The following RBM25 variants were observed in gnomAD, a reference collection of about 807,000 sequenced individuals.
RBM25 encodes the protein RNA-binding protein 25.
A neutral mutation model predicts 120.7 loss-of-function variants in RBM25; 19 were observed. The observed-to-expected ratio is 0.16, with a 90% CI of 0.11 to 0.23. The LOEUF (loss-of-function observed/expected upper bound fraction) is 0.23. RBM25 is among the 10% of genes least tolerant of loss of function. The pLI is 1.00. For missense variants in RBM25, 605 were observed against 1,041.5 expected, an observed-to-expected ratio of 0.58 and a Z score of 5.77; for synonymous variants, 390 against 326.7, an observed-to-expected ratio of 1.19 and a Z score of -2.09.
intron 1 of RBM25, among the ~76,000 whole-genome samples, chr14:73,060,049 GT>G (rs1462344124): frequency 6.6e-6 from 1 of 151,438 alleles, no homozygotes; most frequent in Non-Finnish European, 1.5e-5. Flanking sequence ...TTGTGTTGTT[GT>G]TTTTTTTAAG....
chr14:73,113,037 G>C lies in RBM25; in HGVS notation c.2391+787G>C, dbSNP rs553797771. Among the ~76,000 whole-genome samples the C allele has an allele frequency of 4.1e-4, 63 of 152,016 alleles. No individual in the cohort carries two copies. In the South Asian group the frequency reaches 0.013, roughly 31 times the overall value. Reference sequence around the variant, plus strand: ...TAGGATACATATGCATAACGTGCAGGTTTGTTACATAGGAGTACATGTGCC... The same window carrying C: ...TAGGATACATATGCATAACGTGCAGCTTTGTTACATAGGAGTACATGTGCC... On this transcript the variant is annotated intron_variant, in intron 17 of 18. Coordinates refer to ENST00000261973, the MANE Select transcript of RBM25 (RefSeq NM_021239.3).
At position 73,103,482 on chromosome 14, in the gene RBM25, A is replaced by G. The variant is rs200035760; in HGVS notation, c.1154+4A>G. On this transcript the variant is annotated splice_donor_region_variant and intron_variant, in intron 10 of 18. Coordinates refer to ENST00000261973, the MANE Select transcript of RBM25 (RefSeq NM_021239.3). ...ATAAGGATCGCAGTCGATCAAGGTA[A>G]GGCTTTACAGAAGTTACTGTTTCCT... 1.7e-4 allele frequency: 260 copies of G among 1,568,082 alleles called. No individual in the cohort carries two copies. The highest frequency in any genetic ancestry group is 2.0e-4 in the Non-Finnish European group (235 of 1,159,570).
At chr14:73,117,359 G>A (rs577827902) in intron 18 of RBM25, among the ~76,000 whole-genome samples, 6 of 151,394 alleles carry the variant, frequency 4.0e-5, no homozygotes, top group Middle Eastern at 3.4e-3. Flanking sequence ...AGCCTCCCAA[G>A]TAGTTGGGAT....
At chr14:73,073,710 C>A (rs1218100962) in intron 2 of RBM25, among the ~76,000 whole-genome samples, 1 of 152,042 alleles carries the variant, frequency 6.6e-6, no homozygotes, top group African/African-American at 2.4e-5. Context: ...AAAATCAGAA[C>A]AACTGTTTAT....
chr14:73,109,923 C>T (rs1325431236), intron 14 of RBM25, among the ~76,000 whole-genome samples: 5 of 151,578 alleles, frequency 3.3e-5, no homozygotes, highest in Admixed American at 1.3e-4. Flanking sequence ...CTCGCTGTGT[C>T]GCCCAGGCTG....
At chr14:73,114,358 A>G in intron 18 of RBM25, 25 bp downstream of exon 18, 2 of 1,514,670 alleles carry the variant, frequency 1.3e-6, no homozygotes, top group Admixed American at 2.1e-5. Context: ...CACTATTTTT[A>G]TTTCTTTTAA....
intron 4 of RBM25, among the ~76,000 whole-genome samples, chr14:73,082,798 G>A (rs893915908): frequency 2.6e-5 from 4 of 151,738 alleles, no homozygotes; most frequent in South Asian, 2.1e-4. Context: ...GCAGTGGCTC[G>A]TGCCTGTAAT....
chr14:73,087,770 G>A (rs1895722823), intron 5 of RBM25, among the ~76,000 whole-genome samples: 2 of 152,164 alleles, frequency 1.3e-5, no homozygotes, highest in African/African-American at 4.8e-5. Flanking sequence ...GTAGCAGTTT[G>A]TCTGATTTGA....
At position 73,096,954 on chromosome 14, in the gene RBM25, G is replaced by A. The variant is rs372596323; in HGVS notation, c.583G>A (p.Ala195Thr). ...PETVTNDDEE[A>T]LDEETKRRDQ... is the part of the protein sequence containing the mutation. ...AACTGTCACTAATGACGATGAAGAA[G>A]CCTTGGATGAAGAAACAAAGAGGAG... Residue 195 changes from alanine to threonine, a missense_variant, in exon 7 of 19, where the codon GCC (alanine) becomes ACC (threonine). Ala to Thr is a moderately conservative substitution (Grantham distance 58, BLOSUM62 0). Transcript: ENST00000261973. 20 of 1,613,194 alleles carry A rather than the reference G, an allele frequency of 1.2e-5. No individual in the cohort carries two copies. The African/African-American group carries it at 1.3e-4, about 11-fold the overall frequency.
At chr14:73,111,424 A>G in intron 15 of RBM25, 104 bp from the exon 16 acceptor site, 2 of 1,269,910 alleles carry the variant, frequency 1.6e-6, no homozygotes, top group East Asian at 2.3e-5. Context: ...TCTTTCTCTA[A>G]GATTTGTGGA....
intron 1 of RBM25, chr14:73,068,376 G>C (rs1303687004): frequency 1.5e-6 from 1 of 645,638 alleles, no homozygotes; most frequent in Non-Finnish European, 2.8e-6. Flanking sequence ...GAGAGACAAT[G>C]CTTGTATTTG....
At chr14:73,062,979 CCTGG>C (rs1177203681) in intron 1 of RBM25, among the ~76,000 whole-genome samples, 1 of 150,904 alleles carries the variant, frequency 6.6e-6, no homozygotes, top group Non-Finnish European at 1.5e-5. Flanking sequence ...TGCTACCACA[CCTGG>C]CTAATTTTTT....
At chr14:73,085,224 G>A (rs1895656528) in intron 5 of RBM25, among the ~76,000 whole-genome samples, 1 of 149,386 alleles carries the variant, frequency 6.7e-6, no homozygotes, top group South Asian at 2.1e-4. Context: ...TCACCGTGTT[G>A]GCCAGGAGGG....
rs1896547378 is a variant in RBM25 at position 73,121,929 on chromosome 14, T to A, written c.*2124T>A. 6.6e-6 allele frequency: 1 copy of A among 152,242 alleles called. No individual in the cohort carries two copies. The highest frequency in any genetic ancestry group is 2.4e-5 in the African/African-American group (1 of 41,466). 9.4% of individuals were successfully genotyped at this position (152,242 alleles called of 1,614,324 possible). On this transcript the variant is annotated 3_prime_UTR_variant, in exon 19 of 19. Coordinates refer to ENST00000261973, the MANE Select transcript of RBM25 (RefSeq NM_021239.3). Reference sequence around the variant, plus strand: ...TTGTGCAAGTTCATATATTAAAGTTTCTGCAGCAGAGTGAAAATTGTTACA... The same window carrying A: ...TTGTGCAAGTTCATATATTAAAGTTACTGCAGCAGAGTGAAAATTGTTACA...
Position 73,123,476 on chromosome 14 carries a change from G to C in RBM25, c.*3671G>C, listed in dbSNP as rs565010375. 2.6e-5 allele frequency: 4 copies of C among 152,262 alleles called. No individual in the cohort carries two copies. 9.4% of individuals were successfully genotyped at this position (152,262 alleles called of 1,614,324 possible). A position where few individuals can be genotyped will look rare whatever the true frequency, so the allele number is the denominator to read the frequency against. On this transcript the variant is annotated 3_prime_UTR_variant, in exon 19 of 19. Transcript: ENST00000261973. ...CTGTTAAGTATGAAATTGAGAAATA[G>C]TTTTGCTCAACAAAAGATGATGAGG...
At chr14:73,094,504 G>A (rs1261787643) in intron 6 of RBM25, among the ~76,000 whole-genome samples, 2 of 151,776 alleles carry the variant, frequency 1.3e-5, no homozygotes, top group Non-Finnish European at 2.9e-5. Context: ...CTGGAGTGCA[G>A]TGGCGTGATA....
intron 18 of RBM25, among the ~76,000 whole-genome samples, chr14:73,115,313 T>C (rs1896403933): frequency 6.6e-6 from 1 of 152,106 alleles, no homozygotes; most frequent in Non-Finnish European, 1.5e-5. Flanking sequence ...TTCCTGATCC[T>C]CTCCCTCCTC....
rs532831462 is a variant in RBM25, at chr14:73,070,866, G to C, written c.-15-761G>C. Among the ~76,000 whole-genome samples the C allele has an allele frequency of 2.0e-5, 3 of 149,628 alleles. No homozygotes were observed. The East Asian group carries it at 5.9e-4, about 30-fold the overall frequency. On this transcript the variant is annotated intron_variant, in intron 1 of 18. Coordinates refer to ENST00000261973, the MANE Select transcript of RBM25 (RefSeq NM_021239.3). ...GGAAGCTGAGGCAGGAGAATTGCTTGAACCCAGGAGGTGGAGATTGCAGTA... is the reference window on the plus strand; with the variant it reads ...GGAAGCTGAGGCAGGAGAATTGCTTCAACCCAGGAGGTGGAGATTGCAGTA...
In RBM25 at chr14:73,071,619, T is replaced by C; in HGVS notation, c.-15-8T>C. 1.9e-6 allele frequency: 3 copies of C among 1,561,412 alleles called. No individual in the cohort carries two copies. Among genetic ancestry groups the C allele is most frequent in the Non-Finnish European group, 2.6e-6 (3 of 1,133,334 alleles). ...ATAAAATGATTTGTCATGTCCTTTT[T>C]TCTTTAGACTGCTGCAGTAAGAATG... On this transcript the variant is annotated splice_region_variant and splice_polypyrimidine_tract_variant and intron_variant, in intron 1 of 18. Coordinates refer to ENST00000261973, the MANE Select transcript of RBM25 (RefSeq NM_021239.3).
Sources: gnomAD v4.1 joint callset for allele counts (sites outside exome capture counted in the v4.1 genomes callset) on GRCh38, gnomAD v4.1.1 for gene constraint, MANE v1.5 for transcripts, NCBI Gene and HGNC (gene_info 2026-07-23, HGNC 2026-07-21) for gene names.